The following GPC6 variants were observed in gnomAD, a reference collection of about 807,000 sequenced individuals.
The protein encoded by GPC6 is glypican 6.
In GPC6, 14 loss-of-function variants were observed where a neutral mutation model predicts 55.2. That is an observed-to-expected ratio of 0.25 (90% CI 0.17 to 0.40). The LOEUF is 0.40. Among genes scored for constraint, GPC6 ranks in the 10% least tolerant of loss-of-function variants. The probability of loss-of-function intolerance (pLI) is 1.00; values close to 1 mark genes in which losing one functional copy is unlikely to be tolerated. For synonymous variants in GPC6, 278 were observed against 259.6 expected, an observed-to-expected ratio of 1.07 and a Z score of -0.68; for missense variants, 641 against 708.5, an observed-to-expected ratio of 0.90 and a Z score of 1.08.
At chr13:93,784,161 G>A (rs529028905) in intron 2 of GPC6, among the ~76,000 whole-genome samples, 6 of 152,244 alleles carry the variant, frequency 3.9e-5, no homozygotes, top group African/African-American at 1.4e-4. Flanking sequence ...GAGGCAGGGT[G>A]GGGGTATGGA....
At chr13:93,669,382 ATAG>A (rs1340663447) in intron 2 of GPC6, among the ~76,000 whole-genome samples, 16 of 152,290 alleles carry the variant, frequency 1.1e-4, no homozygotes, top group East Asian at 1.9e-4. Flanking sequence ...GATACTGGAA[ATAG>A]TAGCAGCTTC....
At chr13:94,134,940 C>A (rs1887129755) in intron 4 of GPC6, among the ~76,000 whole-genome samples, 1 of 152,190 alleles carries the variant, frequency 6.6e-6, no homozygotes, top group Non-Finnish European at 1.5e-5. Flanking sequence ...TAAAGTTCAG[C>A]AGCAAAGTCT....
intron 2 of GPC6, among the ~76,000 whole-genome samples, chr13:93,768,792 T>C (rs113350441): frequency 7.9e-5 from 12 of 152,144 alleles, no homozygotes; most frequent in African/African-American, 2.7e-4. Flanking sequence ...ATTAAACTAA[T>C]GTTGAAAATA....
In GPC6 at chr13:93,543,712, CTGTT is replaced by C. The variant is rs374556374; in HGVS notation, c.161-1541_161-1538del. ...TGTACTTATGCCACATTTTCTTTAA[CTGTT>C]TGTTTGTTTTTGGGCACCTAGACTG... On this transcript the variant is annotated intron_variant, in intron 1 of 8. Coordinates refer to ENST00000377047, the MANE Select transcript of GPC6 (RefSeq NM_005708.5). Among the ~76,000 whole-genome samples the C allele has an allele frequency of 3.9e-3, 597 of 152,192 alleles. 3 individuals carry two copies. The highest frequency in any genetic ancestry group is 0.013 in the African/African-American group (544 of 41,534).
intron 1 of GPC6, among the ~76,000 whole-genome samples, chr13:93,257,274 C>T (rs989658186): frequency 4.0e-5 from 6 of 151,490 alleles, no homozygotes; most frequent in African/African-American, 1.5e-4. Context: ...CTGCACTTAA[C>T]CTGGGCAACA....
At position 93,333,120 on chromosome 13, in the gene GPC6, G is replaced by A. The variant is rs139925986; in HGVS notation, c.160+105504G>A. 4.3e-3 allele frequency among the ~76,000 whole-genome samples: 649 copies of A among 152,150 alleles called. 5 individuals are homozygous for A. The highest frequency in any genetic ancestry group is 0.021 in the Middle Eastern group (6 of 292). ...TTGTGATCGCTTTGTAGTATATTTC[G>A]AATTCAGGTAGTGTGATGTCTCCAG... On this transcript the variant is annotated intron_variant, in intron 1 of 8. Coordinates refer to ENST00000377047, the MANE Select transcript of GPC6 (RefSeq NM_005708.5).
intron 1 of GPC6, among the ~76,000 whole-genome samples, chr13:93,408,613 T>G (rs1188754015): frequency 6.6e-6 from 1 of 152,110 alleles, no homozygotes; most frequent in Non-Finnish European, 1.5e-5. Context: ...AGTAGCATGA[T>G]TAAATTGGAA....
In GPC6 at chr13:93,749,409, C is replaced by CT. The variant is rs889690703; in HGVS notation, c.320-80736dup. On this transcript the variant is annotated intron_variant, in intron 2 of 8. Coordinates refer to ENST00000377047, the MANE Select transcript of GPC6 (RefSeq NM_005708.5). ...TTGCAGTACAGAATTTTTTCTTTGACTTTTTTTTTATTTTCCTTGACTATT... is the reference window on the plus strand; with the variant it reads ...TTGCAGTACAGAATTTTTTCTTTGACTTTTTTTTTTATTTTCCTTGACTATT... 7.9e-4 allele frequency among the ~76,000 whole-genome samples: 120 copies of CT among 151,018 alleles called. 1 individual carries two copies. In the Middle Eastern group the frequency reaches 0.014, roughly 17 times the overall value.
Position 93,405,453 on chromosome 13 carries a change from CT to C in GPC6, c.161-139809del, listed in dbSNP as rs541741768. Among the ~76,000 whole-genome samples, 583 of 152,238 alleles carry C rather than the reference CT, an allele frequency of 3.8e-3. 2 individuals are homozygous for C. Among genetic ancestry groups the C allele is most frequent in the African/African-American group, 0.014 (570 of 41,534 alleles). On this transcript the variant is annotated intron_variant, in intron 1 of 8. Transcript: ENST00000377047. The stretch of plus-strand genomic sequence containing the variant: ...TTTCGCCGCTGGAGTCATCAGTTCT[CT>C]CATCTTTATAATGAAATGTTTGAAG...
intron 2 of GPC6, among the ~76,000 whole-genome samples, chr13:93,655,647 A>G (rs1880629417): frequency 6.6e-6 from 1 of 152,214 alleles, no homozygotes; most frequent in African/African-American, 2.4e-5. Flanking sequence ...CTATGTGTAT[A>G]CTAACAAATC....
chr13:93,444,189 A>ATTCTTC (rs202092901), intron 1 of GPC6, among the ~76,000 whole-genome samples: 3 of 134,610 alleles, frequency 2.2e-5, no homozygotes, highest in East Asian at 2.2e-4. Context: ...TCAAAATGCA[A>ATTCTTC]TTCTTCTTTT....
At chr13:94,372,556 G>A (rs1879611781) in intron 6 of GPC6, among the ~76,000 whole-genome samples, 1 of 152,208 alleles carries the variant, frequency 6.6e-6, no homozygotes, top group Non-Finnish European at 1.5e-5. Flanking sequence ...CTGGCTCGGA[G>A]GGTCCTACGC....
At chr13:93,399,733 C>T (rs577181042) in intron 1 of GPC6, among the ~76,000 whole-genome samples, 1 of 152,302 alleles carries the variant, frequency 6.6e-6, no homozygotes, top group South Asian at 2.1e-4. Flanking sequence ...GCCAGTGCCC[C>T]TCAAGGCAGT....
intron 2 of GPC6, among the ~76,000 whole-genome samples, chr13:93,551,547 C>T (rs1187253383): frequency 6.6e-6 from 1 of 152,138 alleles, no homozygotes; most frequent in African/African-American, 2.4e-5. Context: ...CTAATATCGA[C>T]AGGTGGAGGC....
At chr13:93,577,528 A>C (rs1252099138) in intron 2 of GPC6, among the ~76,000 whole-genome samples, 1 of 151,984 alleles carries the variant, frequency 6.6e-6, no homozygotes, top group East Asian at 1.9e-4. Flanking sequence ...GTATATGTAA[A>C]TGTTATTGAT....
intron 3 of GPC6, among the ~76,000 whole-genome samples, chr13:93,831,854 G>A (rs1440730688): frequency 1.3e-5 from 2 of 150,862 alleles, no homozygotes; most frequent in East Asian, 3.9e-4. Flanking sequence ...ACTTTGGGAG[G>A]TTGAGGCGGG....
intron 1 of GPC6, among the ~76,000 whole-genome samples, chr13:93,403,523 C>T (rs1447886785): frequency 6.6e-6 from 1 of 152,178 alleles, no homozygotes; most frequent in Non-Finnish European, 1.5e-5. Context: ...ATAGAGATGT[C>T]CTCTCCTAAG....
chr13:93,520,253 A>G (rs1881363633), intron 1 of GPC6, among the ~76,000 whole-genome samples: 6 of 152,070 alleles, frequency 3.9e-5, no homozygotes, highest in African/African-American at 9.6e-5. Context: ...GCATTGTCCA[A>G]TCCAGGTACC....
chr13:94,214,796 G>T (rs543075603), intron 4 of GPC6, among the ~76,000 whole-genome samples: 3 of 152,110 alleles, frequency 2.0e-5, no homozygotes, highest in African/African-American at 7.2e-5. Context: ...AATCTCAAAC[G>T]CAATTAATGC....
Sources: gnomAD v4.1 joint callset for allele counts (sites outside exome capture counted in the v4.1 genomes callset) on GRCh38, gnomAD v4.1.1 for gene constraint, MANE v1.5 for transcripts, NCBI Gene and HGNC (gene_info 2026-07-23, HGNC 2026-07-21) for gene names.